LUC7L2: variants seen among roughly 807,000 people sequenced by gnomAD.
The protein encoded by LUC7L2 is LUC7 like 2, pre-mRNA splicing factor.
A neutral mutation model predicts 52.8 loss-of-function variants in LUC7L2; 25 were observed. The observed-to-expected ratio is 0.47, with a 90% confidence interval of 0.34 to 0.66. The LOEUF is 0.66. Ranked by LOEUF, LUC7L2 falls within the 30% of genes least tolerant of loss-of-function variation. The pLI is 0.01. For missense variants in LUC7L2, 328 were observed against 497.8 expected (o/e 0.66, Z 3.25); for synonymous variants, 144 against 160.9 (o/e 0.89, Z 0.80).
At chr7:139,396,808 T>G (rs914521902) in intron 2 of LUC7L2, among the ~76,000 whole-genome samples, 10 of 152,226 alleles carry the variant, frequency 6.6e-5, no homozygotes, top group African/African-American at 2.4e-4. Flanking sequence ...TGTGCCATGC[T>G]GTAACTGTTA....
At chr7:139,368,812 TC>T (rs1433313422) in intron 1 of LUC7L2, among the ~76,000 whole-genome samples, 2 of 152,086 alleles carry the variant, frequency 1.3e-5, no homozygotes, top group African/African-American at 2.4e-5. Context: ...ACCGTCTCAG[TC>T]CTTTCCCCAG....
intron 2 of LUC7L2, among the ~76,000 whole-genome samples, chr7:139,390,207 A>G (rs559043933): frequency 1.4e-3 from 210 of 146,838 alleles, no homozygotes; most frequent in African/African-American, 5.5e-3. Flanking sequence ...GATGTGGTCC[A>G]GTGCCCAGTC....
chr7:139,419,732 A>T (rs926849439), intron 9 of LUC7L2, among the ~76,000 whole-genome samples: 2 of 152,074 alleles, frequency 1.3e-5, no homozygotes, highest in African/African-American at 2.4e-5. Flanking sequence ...TTGTATAGGA[A>T]TTTTTCCACC....
chr7:139,421,960 A>G (rs1233852165), intron 9 of LUC7L2, among the ~76,000 whole-genome samples: 1 of 152,088 alleles, frequency 6.6e-6, no homozygotes, highest in Non-Finnish European at 1.5e-5. Context: ...ACCCTCTGCT[A>G]TTTGTTTTTC....
At chr7:139,408,648 T>C (rs1281829753) in intron 6 of LUC7L2, among the ~76,000 whole-genome samples, 4 of 151,434 alleles carry the variant, frequency 2.6e-5, no homozygotes, top group Admixed American at 2.0e-4. Flanking sequence ...TCGAGACCAG[T>C]CTGGCCAATA....
intron 1 of LUC7L2, 72 bp downstream of exon 1, chr7:139,360,394 C>A: frequency 7.0e-7 from 1 of 1,429,306 alleles, no homozygotes; most frequent in Middle Eastern, 2.0e-4. Flanking sequence ...TCCGAGGGCG[C>A]ACCTGGGCGC....
At chr7:139,414,238 T>A (rs1795491839) in intron 8 of LUC7L2, among the ~76,000 whole-genome samples, 1 of 152,192 alleles carries the variant, frequency 6.6e-6, no homozygotes, top group Non-Finnish European at 1.5e-5. Context: ...AGGTTTTTCA[T>A]CTCATTCATA....
intron 4 of LUC7L2, among the ~76,000 whole-genome samples, chr7:139,402,653 A>G (rs1432411869): frequency 6.6e-6 from 1 of 152,054 alleles, no homozygotes; most frequent in African/African-American, 2.4e-5. Flanking sequence ...CTTCTGAGTA[A>G]CTGGGATTAC....
At chr7:139,373,887 T>C (rs1172617944) in intron 1 of LUC7L2, among the ~76,000 whole-genome samples, 1 of 152,224 alleles carries the variant, frequency 6.6e-6, no homozygotes, top group African/African-American at 2.4e-5. Flanking sequence ...CAGGAAGACT[T>C]ATTAGATACA....
In LUC7L2 at chr7:139,363,976, C is replaced by CTTTTTT. The variant is rs1169793101; in HGVS notation, c.61+3676_61+3681dup. Among the ~76,000 whole-genome samples the CTTTTTT allele has an allele frequency of 9.2e-4, 88 of 96,096 alleles. 8 individuals carry two copies. The highest frequency in any genetic ancestry group is 4.8e-3 in the African/African-American group (82 of 17,262). 63.0% of individuals were successfully genotyped at this position (96,096 alleles called of 152,430 possible). A position where few individuals can be genotyped will look rare whatever the true frequency, so the allele number is the denominator to read the frequency against. ...TGAGGGTGTGGATTTAGATTACATC[C>CTTTTTT]TTTTTTTTTTTTTTTTTTTTTTTTT... On this transcript the variant is annotated intron_variant, in intron 1 of 9. Transcript: ENST00000354926.
At chr7:139,352,993 T>C (rs1585064843) in intron 1 of LUC7L2, among the ~76,000 whole-genome samples, 2 of 152,068 alleles carry the variant, frequency 1.3e-5, no homozygotes, top group African/African-American at 4.8e-5. Context: ...AGGTCAGGAG[T>C]TCGAGACCAG....
intron 4 of LUC7L2, among the ~76,000 whole-genome samples, chr7:139,402,787 G>A (rs1348442218): frequency 3.9e-5 from 6 of 152,174 alleles, no homozygotes; most frequent in Non-Finnish European, 8.8e-5. Flanking sequence ...GCCTCCCAAA[G>A]TGCTGGGATT....
intron 1 of LUC7L2, chr7:139,345,377 A>C: frequency 7.1e-7 from 1 of 1,405,758 alleles, no homozygotes; most frequent in Non-Finnish European, 9.5e-7. Flanking sequence ...ATGTATATAC[A>C]TACATGTCTG....
At chr7:139,371,669 A>G (rs1156489197) in intron 1 of LUC7L2, among the ~76,000 whole-genome samples, 1 of 152,176 alleles carries the variant, frequency 6.6e-6, no homozygotes, top group African/African-American at 2.4e-5. Context: ...TGTTAATATA[A>G]GTTTCAGAAA....
At position 139,412,594 on chromosome 7, in the gene LUC7L2, A is replaced by G. The variant is rs757553659; in HGVS notation, c.809+14A>G. 10 of 1,603,064 alleles carry G rather than the reference A, an allele frequency of 6.2e-6. No individual in the cohort carries two copies. The Admixed American group carries it at 6.9e-5, about 11-fold the overall frequency. On this transcript the variant is annotated intron_variant, in intron 8 of 9. Coordinates refer to ENST00000354926, the MANE Select transcript of LUC7L2 (RefSeq NM_016019.5). ...GAATCCAAAAAGGTAGGTGTATTAC[A>G]TAAGACAGGTATAAGTAGTGAAGTT...
intron 1 of LUC7L2, among the ~76,000 whole-genome samples, chr7:139,344,082 C>G (rs1799139386): frequency 6.6e-6 from 1 of 151,936 alleles, no homozygotes; most frequent in African/African-American, 2.4e-5. Flanking sequence ...GCCTTGAATA[C>G]AGAACTAGTT....
rs539771697 is a variant in LUC7L2, at chr7:139,379,549, C to CT, written c.156+3431dup. Among the ~76,000 whole-genome samples the CT allele has an allele frequency of 2.8e-4, 15 of 52,720 alleles. 5 individuals carry two copies. Among genetic ancestry groups the CT allele is most frequent in the Non-Finnish European group, 4.8e-4 (15 of 31,540 alleles). The allele number at this position is 52,720 out of a possible 152,430, so 34.6% of individuals were successfully genotyped here. A position where few individuals can be genotyped will look rare whatever the true frequency, so the allele number is the denominator to read the frequency against. ...TTTCATTATTCTAGTATAACTAATG[C>CT]TTTTTTTTTTTTTTTTTTTTTTTTT... On this transcript the variant is annotated intron_variant, in intron 2 of 9. Transcript: ENST00000354926.
intron 3 of LUC7L2, among the ~76,000 whole-genome samples, chr7:139,400,551 G>A (rs1438818028): frequency 2.6e-5 from 4 of 151,996 alleles, no homozygotes; most frequent in African/African-American, 9.7e-5. Flanking sequence ...AGTTCTAAAC[G>A]CTTTTCTTTT....
chr7:139,412,524 C>A, intron 7 of LUC7L2, 27 bp from the exon 8 acceptor site: 1 of 1,575,180 alleles, frequency 6.3e-7, no homozygotes, highest in Non-Finnish European at 8.5e-7. Context: ...AGCCACTTTT[C>A]TAAAAATACA....
Sources: gnomAD v4.1 joint callset for allele counts (sites outside exome capture counted in the v4.1 genomes callset) on GRCh38, gnomAD v4.1.1 for gene constraint, MANE v1.5 for transcripts, NCBI Gene and HGNC (gene_info 2026-07-23, HGNC 2026-07-21) for gene names.